The following AGAP1 variants were observed in gnomAD, a reference collection of about 807,000 sequenced individuals.
AGAP1 encodes the protein ArfGAP with GTPase domain, ankyrin repeat and PH domain 1, also known as arf-GAP with GTPase, ANK repeat and PH domain-containing protein 1.
In AGAP1, 29 loss-of-function variants were observed where a neutral mutation model predicts 105.3. The ratio of observed to expected loss-of-function variants is 0.28; its 90% CI spans 0.21 to 0.38. The LOEUF is 0.38. Ranked by LOEUF, AGAP1 falls within the 10% of genes least tolerant of loss-of-function variation. The probability of loss-of-function intolerance (pLI) is 1.00; values close to 1 mark genes in which losing one functional copy is unlikely to be tolerated. For synonymous variants in AGAP1, 509 were observed against 485.9 expected (o/e 1.05, Z -0.63); for missense variants, 998 against 1,165.1 (o/e 0.86, Z 2.09).
intron 5 of AGAP1, among the ~76,000 whole-genome samples, chr2:235,749,077 T>C (rs557165571): frequency 6.6e-6 from 1 of 152,150 alleles, no homozygotes; most frequent in Non-Finnish European, 1.5e-5. Flanking sequence ...GGCATGGTGG[T>C]GAGTACCTGT....
rs1951139511 is a variant in AGAP1 at position 235,716,938 on chromosome 2, A to C, written c.223-619A>C. ...AACGAGCACCTTTGCCGTCTCTCCC[A>C]GCAGCCCTGGCACTGTCCCCTTTTT... On this transcript the variant is annotated intron_variant, in intron 2 of 17. Transcript: ENST00000304032. This position sits in a 1 kb window ranked among gnomAD's most constrained non-coding sequence, Gnocchi z 4.0. Among the ~76,000 whole-genome samples the C allele has an allele frequency of 6.6e-6, 1 of 151,798 alleles. No individual in the cohort carries two copies. The highest frequency in any genetic ancestry group is 2.4e-5 in the African/African-American group (1 of 41,316).
At chr2:235,926,921 C>T (rs888346427) in intron 11 of AGAP1, among the ~76,000 whole-genome samples, 2 of 152,166 alleles carry the variant, frequency 1.3e-5, no homozygotes, top group African/African-American at 2.4e-5. Flanking sequence ...CTTTCATTTT[C>T]TAAGTGATGC....
At chr2:235,898,985 G>A (rs1462354694) in intron 10 of AGAP1, among the ~76,000 whole-genome samples, 3 of 152,216 alleles carry the variant, frequency 2.0e-5, no homozygotes, top group African/African-American at 7.2e-5. Context: ...CAGGCATTAT[G>A]TTTAGGAAAA....
chr2:235,707,382 C>T (rs201091867), intron 1 of AGAP1, among the ~76,000 whole-genome samples: 11 of 149,130 alleles, frequency 7.4e-5, no homozygotes, highest in East Asian at 4.0e-4. Context: ...GTTCCTCTGA[C>T]GGGATGTCTC....
intron 12 of AGAP1, among the ~76,000 whole-genome samples, chr2:235,943,984 T>C (rs544984208): frequency 6.6e-6 from 1 of 152,240 alleles, no homozygotes; most frequent in Non-Finnish European, 1.5e-5. Flanking sequence ...AAAAATTTTA[T>C]ATCACACAGA....
chr2:235,564,781 C>CCAGGTGTGAGCCTGGACCAGCACCCAG (rs1944290139), intron 1 of AGAP1, among the ~76,000 whole-genome samples: 7 of 102,412 alleles, frequency 6.8e-5, no homozygotes, highest in Non-Finnish European at 1.1e-4. Flanking sequence ...CCAGCACCCA[C>CCAGGTGTGAGCCTGGACCAGCACCCAG]GGCCAGGTGT....
At chr2:235,808,601 C>G (rs893019181) in intron 9 of AGAP1, among the ~76,000 whole-genome samples, 1 of 152,154 alleles carries the variant, frequency 6.6e-6, no homozygotes, top group Non-Finnish European at 1.5e-5. Context: ...CTGCCCACAG[C>G]GTAACCGACC....
Position 236,021,118 on chromosome 2 carries a change from A to T in AGAP1, c.1646-15443A>T, listed in dbSNP as rs1010193290. Among the ~76,000 whole-genome samples the T allele has an allele frequency of 2.0e-5, 3 of 150,278 alleles. No homozygotes were observed. The Admixed American group carries it at 2.0e-4, about 10-fold the overall frequency. On this transcript the variant is annotated intron_variant, in intron 13 of 17. Coordinates refer to ENST00000304032, the MANE Select transcript of AGAP1 (RefSeq NM_001037131.3). ...GAGGCAGAGGTTGCAGTGAGCCAAG[A>T]TCGTGCCACTACACTCCAACCTGGG...
At chr2:235,544,066 G>T (rs1381127808) in intron 1 of AGAP1, among the ~76,000 whole-genome samples, 7 of 152,208 alleles carry the variant, frequency 4.6e-5, no homozygotes, top group South Asian at 4.1e-4. Context: ...CTTTAAACAA[G>T]CATGTTTGAA....
intron 1 of AGAP1, chr2:235,505,929 CTT>C (rs57692049): frequency 0.44 from 58,046 of 130,778 alleles, 13,238 homozygotes; most frequent in Admixed American, 0.55. Flanking sequence ...AAATTCTTTT[CTT>C]TTTTTTTTTT....
intron 8 of AGAP1, among the ~76,000 whole-genome samples, chr2:235,802,181 G>A (rs1288095960): frequency 6.6e-6 from 1 of 152,170 alleles, no homozygotes. Flanking sequence ...AGCGATTTAG[G>A]GTGAAGGAGA....
rs1311851073 is a variant in AGAP1 at position 235,747,570 on chromosome 2, A to G, written c.538+2731A>G. Among the ~76,000 whole-genome samples the G allele has an allele frequency of 6.6e-6, 1 of 152,200 alleles. No homozygotes were observed. The highest frequency in any genetic ancestry group is 1.5e-5 in the Non-Finnish European group (1 of 68,040). ...TGAACCAGAACGAAAAGTTGCAATC[A>G]GGGCTGTATTCCTCACCTGCGGGAT... On this transcript the variant is annotated intron_variant, in intron 5 of 17. Transcript: ENST00000304032. This position sits in a 1 kb window ranked among gnomAD's most constrained non-coding sequence, Gnocchi z 5.0.
Position 235,923,017 on chromosome 2 carries a change from C to T in AGAP1, c.1325-7748C>T, listed in dbSNP as rs187078216. Reference sequence around the variant, plus strand: ...ACACATATCCATATCAAGGAAGTGGCGCAGCGAGGACATGGATTAGCATGG... The same window carrying T: ...ACACATATCCATATCAAGGAAGTGGTGCAGCGAGGACATGGATTAGCATGG... On this transcript the variant is annotated intron_variant, in intron 11 of 17. Coordinates refer to ENST00000304032, the MANE Select transcript of AGAP1 (RefSeq NM_001037131.3). Among the ~76,000 whole-genome samples the T allele has an allele frequency of 1.7e-3, 253 of 152,248 alleles. 1 individual carries two copies. The highest frequency in any genetic ancestry group is 3.4e-3 in the Middle Eastern group (1 of 294).
In AGAP1 at chr2:235,865,768, T is replaced by C. The variant is rs559315959; in HGVS notation, c.1051-17577T>C. Among the ~76,000 whole-genome samples, 1 of 152,316 alleles carries C rather than the reference T, an allele frequency of 6.6e-6. No homozygotes were observed. The highest frequency in any genetic ancestry group is 2.4e-5 in the African/African-American group (1 of 41,570). ...TAAACTAGAGAGAAAGTTAAAAAGA[T>C]TTAGTAGCGGCAGAGCTTGTGTCTG... On this transcript the variant is annotated intron_variant, in intron 9 of 17. Transcript: ENST00000304032. The surrounding 1 kb of genome is among the most constrained non-coding windows in gnomAD (Gnocchi z 6.2).
intron 13 of AGAP1, among the ~76,000 whole-genome samples, chr2:236,015,718 AT>A (rs1191327793): frequency 6.6e-6 from 1 of 151,846 alleles, no homozygotes; most frequent in Non-Finnish European, 1.5e-5. Flanking sequence ...ATAGGGGGAC[AT>A]TTTTTTTCAC....
intron 1 of AGAP1, among the ~76,000 whole-genome samples, chr2:235,683,638 G>A (rs945849120): frequency 2.0e-5 from 3 of 151,684 alleles, no homozygotes; most frequent in Non-Finnish European, 4.4e-5. Context: ...ATGTGCTGAG[G>A]TCAGGAGTCC....
At chr2:235,718,124 C>T (rs893124292) in intron 3 of AGAP1, among the ~76,000 whole-genome samples, 3 of 152,048 alleles carry the variant, frequency 2.0e-5, no homozygotes, top group African/African-American at 7.2e-5. Flanking sequence ...AATCATTTTG[C>T]ATGAGAGTAA....
chr2:236,079,638 G>T (rs1431838707), intron 16 of AGAP1, among the ~76,000 whole-genome samples: 2 of 151,946 alleles, frequency 1.3e-5, no homozygotes, highest in East Asian at 3.9e-4. Context: ...AAAATCTGCA[G>T]CAGGGGTAGG....
chr2:235,798,870 C>CAAA (rs1041317180), intron 7 of AGAP1, among the ~76,000 whole-genome samples: 31 of 48,930 alleles, frequency 6.3e-4, no homozygotes, highest in East Asian at 2.9e-3. Flanking sequence ...GACCCTGTCT[C>CAAA]AAAAAAAAAA....
Sources: allele counts gnomAD v4.1 joint callset (sites outside exome capture counted in the v4.1 genomes callset), GRCh38; gene constraint gnomAD v4.1.1; non-coding constraint Gnocchi (gnomAD v3.1); transcripts MANE v1.5; gene names NCBI Gene and HGNC (gene_info 2026-07-23, HGNC 2026-07-21).